The following SLC9A1 variants were observed in gnomAD, a reference collection of about 807,000 sequenced individuals.
SLC9A1 encodes the protein sodium/hydrogen exchanger 1.
Under a neutral mutation model 67.9 loss-of-function variants are expected in SLC9A1, and 22 were observed. The ratio of observed to expected loss-of-function variants is 0.32; its 90% CI spans 0.23 to 0.46. The LOEUF is 0.46. SLC9A1 is among the 20% of genes least tolerant of loss of function. The pLI is 1.00. For synonymous variants in SLC9A1, 421 were observed against 471.8 expected (o/e 0.89, Z 1.40); for missense variants, 686 against 1,094.8 (o/e 0.63, Z 5.27).
chr1:27,152,636 A>T (rs1391565005), intron 1 of SLC9A1, among the ~76,000 whole-genome samples: 1 of 152,162 alleles, frequency 6.6e-6, no homozygotes, highest in Non-Finnish European at 1.5e-5. Context: ...ATTTCTCTCC[A>T]GGAAGCTAAC....
In SLC9A1 at chr1:27,142,097, G is replaced by A. The variant is rs965034355; in HGVS notation, c.352+11886C>T. Among the ~76,000 whole-genome samples the A allele has an allele frequency of 2.0e-5, 3 of 152,300 alleles. No homozygotes were observed. The South Asian group carries it at 6.2e-4, about 32-fold the overall frequency. On this transcript the variant is annotated intron_variant, in intron 1 of 11. Coordinates refer to ENST00000263980, the MANE Select transcript of SLC9A1 (RefSeq NM_003047.5). ...GGACAGCTCCCTAATAGATACCCCA[G>A]GAGGAAGCTGCCCTTCTTTAGGCTT...
chr1:27,122,020 G>C (rs1289073414), intron 1 of SLC9A1, among the ~76,000 whole-genome samples: 1 of 152,146 alleles, frequency 6.6e-6, no homozygotes, highest in Non-Finnish European at 1.5e-5. Flanking sequence ...GGAGAGTGAG[G>C]CATAAGAATT....
intron 5 of SLC9A1, 61 bp from the exon 6 acceptor site, chr1:27,103,373 G>T: frequency 8.4e-7 from 1 of 1,192,854 alleles, no homozygotes; most frequent in Non-Finnish European, 1.3e-6. Context: ...AGGCCACAGA[G>T]CCTCCCTCCC....
chr1:27,126,442 G>A (rs553018938), intron 1 of SLC9A1, among the ~76,000 whole-genome samples: 1 of 152,226 alleles, frequency 6.6e-6, no homozygotes, highest in East Asian at 1.9e-4. Context: ...TTGTCGGGGG[G>A]GTCACCATCA....
intron 1 of SLC9A1, among the ~76,000 whole-genome samples, chr1:27,127,399 G>A (rs369729375): frequency 2.6e-5 from 4 of 152,196 alleles, no homozygotes; most frequent in African/African-American, 9.7e-5. Flanking sequence ...CTCACAACAT[G>A]CCCTGGCAGT....
At chr1:27,145,583 G>A (rs2083480135) in intron 1 of SLC9A1, among the ~76,000 whole-genome samples, 1 of 152,228 alleles carries the variant, frequency 6.6e-6, no homozygotes, top group South Asian at 2.1e-4. Context: ...GCCTTCTGTG[G>A]CCTGGTCTCA....
At chr1:27,153,747 C>T (rs565644949) in intron 1 of SLC9A1, among the ~76,000 whole-genome samples, 105 of 152,326 alleles carry the variant, frequency 6.9e-4, no homozygotes, top group African/African-American at 2.5e-3. Flanking sequence ...GCATCCCATT[C>T]TCTAATCCTG....
chr1:27,103,102 G>A, intron 6 of SLC9A1, 121 bp downstream of exon 6: 4 of 772,694 alleles, frequency 5.2e-6, no homozygotes, highest in Non-Finnish European at 6.8e-6. Context: ...GGGGCAGAGG[G>A]AGCCCCTGGG....
At chr1:27,146,956 C>A (rs1465095125) in intron 1 of SLC9A1, among the ~76,000 whole-genome samples, 1 of 150,396 alleles carries the variant, frequency 6.6e-6, no homozygotes, top group Admixed American at 6.6e-5. Flanking sequence ...GCCAACATGG[C>A]GAAAACCCAT....
chr1:27,147,241 A>C (rs1315632880), intron 1 of SLC9A1, among the ~76,000 whole-genome samples: 1 of 136,262 alleles, frequency 7.3e-6, no homozygotes, highest in African/African-American at 2.7e-5. Context: ...CGGAGGTTGC[A>C]GTGAGCTGAG....
chr1:27,117,467 C>G (rs2083279346), intron 1 of SLC9A1, among the ~76,000 whole-genome samples: 2 of 152,218 alleles, frequency 1.3e-5, no homozygotes, highest in African/African-American at 4.8e-5. Flanking sequence ...CCTACCCTCA[C>G]TCTGTGCCAT....
At position 27,147,063 on chromosome 1, in the gene SLC9A1, G is replaced by A. The variant is rs1009312290; in HGVS notation, c.352+6920C>T. ...GAGGCGGGCAGATCACCTGAGGTCA[G>A]GAGTTCGAGACCAGCCTGGCCAATA... On this transcript the variant is annotated intron_variant, in intron 1 of 11. Coordinates refer to ENST00000263980, the MANE Select transcript of SLC9A1 (RefSeq NM_003047.5). Among the ~76,000 whole-genome samples the A allele has an allele frequency of 7.9e-5, 12 of 152,022 alleles. 1 individual carries two copies. The highest frequency in any genetic ancestry group is 7.2e-4 in the Admixed American group (11 of 15,254).
chr1:27,101,774 C>T lies in SLC9A1; in HGVS notation c.1988G>A (p.Trp663Ter), dbSNP rs779929752. The change falls in exon 10 of 12, where the codon TGG becomes TAG. Residue 663 changes from tryptophan to a stop codon, truncating the protein, a stop_gained. Coordinates refer to ENST00000263980, the MANE Select transcript of SLC9A1 (RefSeq NM_003047.5). LOFTEE classifies it high-confidence loss of function. This position sits in a 1 kb window ranked among gnomAD's most constrained non-coding sequence, Gnocchi z 4.9. The stretch of plus-strand genomic sequence containing the variant: ...CTGCCTCCGGAGCAGCATCTGGTTC[C>T]AGGCTTCCTCGTAGGGGTCTGCCAC... Reference protein sequence around the residue: ...TLVADPYEEAWNQMLLRRQKA... With the variant: ...TLVADPYEEA 3 of 1,613,280 alleles carry T rather than the reference C, an allele frequency of 1.9e-6. No homozygotes were observed. The highest frequency in any genetic ancestry group is 2.5e-6 in the Non-Finnish European group (3 of 1,179,978).
chr1:27,100,060 G>C lies in SLC9A1; in HGVS notation c.*247C>G. On this transcript the variant is annotated 3_prime_UTR_variant, in exon 12 of 12. Coordinates refer to ENST00000263980, the MANE Select transcript of SLC9A1 (RefSeq NM_003047.5). The surrounding 1 kb of genome is among the most constrained non-coding windows in gnomAD (Gnocchi z 5.6). ...AGAAGCCTGGATCTAGGGAGGGGCAGGGCCGGCCTCACCAGCCCCAGCAGT... is the reference window on the plus strand; with the variant it reads ...AGAAGCCTGGATCTAGGGAGGGGCACGGCCGGCCTCACCAGCCCCAGCAGT... 1 of 435,282 alleles carries C rather than the reference G, an allele frequency of 2.3e-6. No individual in the cohort carries two copies. Among genetic ancestry groups the C allele is most frequent in the Non-Finnish European group, 4.0e-6 (1 of 247,182 alleles). The allele number at this position is 435,282 out of a possible 1,614,324, so 27.0% of individuals were successfully genotyped here.
chr1:27,153,764 T>C (rs1381100939), intron 1 of SLC9A1, among the ~76,000 whole-genome samples: 1 of 152,186 alleles, frequency 6.6e-6, no homozygotes, highest in African/African-American at 2.4e-5. Flanking sequence ...CCTGCTCTCT[T>C]CTGTGCACAG....
At chr1:27,135,525 GAAAAAAA>G (rs36107223) in intron 1 of SLC9A1, among the ~76,000 whole-genome samples, 49 of 110,052 alleles carry the variant, frequency 4.5e-4, no homozygotes, top group African/African-American at 1.6e-3. Flanking sequence ...CTTTTTTCTG[GAAAAAAA>G]AAAAAAAAAA....
intron 1 of SLC9A1, among the ~76,000 whole-genome samples, chr1:27,144,439 C>G (rs1479277797): frequency 2.0e-5 from 3 of 152,166 alleles, no homozygotes; most frequent in Admixed American, 2.0e-4. Flanking sequence ...GGGAGGTGGC[C>G]AAGGCAGCAC....
chr1:27,125,366 C>T (rs968673369), intron 1 of SLC9A1, among the ~76,000 whole-genome samples: 6 of 148,836 alleles, frequency 4.0e-5, no homozygotes, highest in Non-Finnish European at 7.4e-5. Flanking sequence ...GTGCCTCAGC[C>T]ACCTGAGTAG....
rs150031639 is a variant in SLC9A1 at position 27,143,611 on chromosome 1, C to T, written c.352+10372G>A. ...GCCTCACAGTCTGCTTAGGCCTCAACGGAACAGAGGCTTCCCTGGAATGAC... is the reference window on the plus strand; with the variant it reads ...GCCTCACAGTCTGCTTAGGCCTCAATGGAACAGAGGCTTCCCTGGAATGAC... On this transcript the variant is annotated intron_variant, in intron 1 of 11. Transcript: ENST00000263980. Among the ~76,000 whole-genome samples, 242 of 152,302 alleles carry T rather than the reference C, an allele frequency of 1.6e-3. 1 individual carries two copies. The highest frequency in any genetic ancestry group is 5.3e-3 in the African/African-American group (222 of 41,552).
Sources: allele counts gnomAD v4.1 joint callset (sites outside exome capture counted in the v4.1 genomes callset), GRCh38; gene constraint gnomAD v4.1.1; non-coding constraint Gnocchi (gnomAD v3.1); transcripts MANE v1.5; gene names NCBI Gene and HGNC (gene_info 2026-07-23, HGNC 2026-07-21).